The following CAST variants were observed in gnomAD, a reference collection of about 807,000 sequenced individuals.
CAST encodes the protein MIR583 host.
Under a neutral mutation model 119.6 loss-of-function variants are expected in CAST, and 76 were observed. The ratio of observed to expected loss-of-function variants is 0.64; its 90% CI spans 0.53 to 0.77. CAST has a LOEUF of 0.77. Ranked by LOEUF, CAST falls within the 30% of genes least tolerant of loss-of-function variation. The pLI is 0.00. For missense variants in CAST, 953 were observed against 946.5 expected, an observed-to-expected ratio of 1.01 and a Z score of -0.09; for synonymous variants, 319 against 331.6, an observed-to-expected ratio of 0.96 and a Z score of 0.41.
the CAST span, among the ~76,000 whole-genome samples, chr5:96,059,421 T>C: frequency 7.2e-5 from 11 of 152,144 alleles, no homozygotes; most frequent in African/African-American, 2.7e-4. Context: ...TCCCCTGCAA[T>C]AATAGCACGG....
the CAST span, among the ~76,000 whole-genome samples, chr5:96,068,832 T>C: frequency 2.6e-5 from 4 of 151,350 alleles, no homozygotes; most frequent in African/African-American, 9.7e-5. Context: ...CACACACACA[T>C]ATGTATATAT....
chr5:96,352,608 C>G, the CAST span, among the ~76,000 whole-genome samples: 2 of 152,062 alleles, frequency 1.3e-5, no homozygotes, highest in Admixed American at 1.3e-4. Flanking sequence ...ACACAATTAT[C>G]AAAATAAAAT....
the CAST span, among the ~76,000 whole-genome samples, chr5:96,401,410 T>C: frequency 0.7 from 107,076 of 152,130 alleles, 38,962 homozygotes; most frequent in African/African-American, 0.89. Flanking sequence ...GTGAGGAGTA[T>C]TGGGCCAGAG....
At chr5:96,307,467 G>A in the CAST span, among the ~76,000 whole-genome samples, 6 of 152,170 alleles carry the variant, frequency 3.9e-5, no homozygotes, top group African/African-American at 1.2e-4. Context: ...GGTTAATATT[G>A]TTATGTGTGC....
chr5:96,771,735 A>AC (rs1458701723), intron 31 of CAST, 33 bp downstream of exon 31: 1 of 1,365,770 alleles, frequency 7.3e-7, no homozygotes, highest in Admixed American at 1.7e-5. Context: ...AATGAAGACA[A>AC]CTGTATCTTC....
the CAST span, among the ~76,000 whole-genome samples, chr5:96,362,714 T>A: frequency 6.6e-6 from 1 of 152,188 alleles, no homozygotes; most frequent in South Asian, 2.1e-4. Flanking sequence ...TCTTGAGTTC[T>A]TTGTGGATTC....
At chr5:96,275,783 T>C in the CAST span, among the ~76,000 whole-genome samples, 4 of 152,244 alleles carry the variant, frequency 2.6e-5, no homozygotes, top group African/African-American at 7.2e-5. Flanking sequence ...TAAGTTGTTA[T>C]GATGCACATT....
Position 96,757,375 on chromosome 5 carries a change from T to C in CAST, c.1711-69T>C, listed in dbSNP as rs1766536643. ...TATAACCTGTAGACCCTTTGTAATG[T>C]TTACAAGGTTTCATACTTTGGATAA... is the stretch of plus-strand genomic sequence containing the variant. On this transcript the variant is annotated intron_variant, in intron 22 of 31. Coordinates refer to ENST00000675179, the MANE Select transcript of CAST (RefSeq NM_001750.7). 3 of 1,377,472 alleles carry C rather than the reference T, an allele frequency of 2.2e-6. No individual in the cohort carries two copies. In the Admixed American group the frequency reaches 5.0e-5, roughly 23 times the overall value. The allele number at this position is 1,377,472 out of a possible 1,614,324, so 85.3% of individuals were successfully genotyped here. A position where few individuals can be genotyped will look rare whatever the true frequency, so the allele number is the denominator to read the frequency against.
intron 1 of CAST, among the ~76,000 whole-genome samples, chr5:96,549,705 C>G (rs917588860): frequency 2.0e-5 from 3 of 152,256 alleles, no homozygotes; most frequent in Admixed American, 6.5e-5. Flanking sequence ...TGCACTTTTC[C>G]CATGGTCTTC....
the CAST span, among the ~76,000 whole-genome samples, chr5:96,196,612 G>A: frequency 6.6e-6 from 1 of 152,158 alleles, no homozygotes; most frequent in African/African-American, 2.4e-5. Flanking sequence ...GGAAGAAATA[G>A]CCAGTGCAAA....
At chr5:96,606,456 A>G (rs1293021862) in intron 1 of CAST, among the ~76,000 whole-genome samples, 1 of 152,220 alleles carries the variant, frequency 6.6e-6, no homozygotes, top group Non-Finnish European at 1.5e-5. Flanking sequence ...CTGGATGCAG[A>G]AAGAGCCAGC....
intron 1 of CAST, among the ~76,000 whole-genome samples, chr5:96,652,096 A>C (rs549404712): frequency 3.2e-4 from 49 of 152,166 alleles, no homozygotes; most frequent in Non-Finnish European, 6.9e-4. Flanking sequence ...TCCATATGCA[A>C]TTGAATCCAA....
intron 1 of CAST, among the ~76,000 whole-genome samples, chr5:96,533,256 A>T (rs1745723931): frequency 6.6e-6 from 1 of 152,194 alleles, no homozygotes; most frequent in Admixed American, 6.5e-5. Context: ...GTGCTGTAAG[A>T]AAACAAAGAG....
At chr5:96,030,789 T>C in the CAST span, among the ~76,000 whole-genome samples, 1 of 152,174 alleles carries the variant, frequency 6.6e-6, no homozygotes, top group African/African-American at 2.4e-5. Flanking sequence ...CTCATGCCTG[T>C]AATCCTAGCA....
the CAST span, among the ~76,000 whole-genome samples, chr5:96,036,674 G>T: frequency 2.3e-4 from 35 of 152,250 alleles, no homozygotes; most frequent in East Asian, 5.2e-3. Context: ...AGACTTGGTT[G>T]CAGATTAGCA....
In CAST at chr5:96,774,354, C is replaced by CTTTT. The variant is rs146372536; in HGVS notation, c.*1741_*1744dup. ...TTAAAAAGAACTCTGAATATGCCTT[C>CTTTT]TTTTTTAATTAGAAATATCTTCGAG... is the stretch of plus-strand genomic sequence containing the variant. On this transcript the variant is annotated 3_prime_UTR_variant, in exon 32 of 32. Coordinates refer to ENST00000675179, the MANE Select transcript of CAST (RefSeq NM_001750.7). 64 of 280,208 alleles carry CTTTT rather than the reference C, an allele frequency of 2.3e-4. No homozygotes were observed. Among genetic ancestry groups the CTTTT allele is most frequent in the Non-Finnish European group, 3.4e-4 (62 of 183,674 alleles). The allele number at this position is 280,208 out of a possible 1,614,324, so 17.4% of individuals were successfully genotyped here.
At chr5:96,649,429 C>T (rs1216377380) in intron 1 of CAST, among the ~76,000 whole-genome samples, 1 of 152,120 alleles carries the variant, frequency 6.6e-6, no homozygotes. Context: ...ATGAGACAGC[C>T]CTGGGAATGT....
At chr5:96,327,286 G>A in the CAST span, among the ~76,000 whole-genome samples, 3 of 152,108 alleles carry the variant, frequency 2.0e-5, no homozygotes, top group Admixed American at 2.0e-4. Flanking sequence ...AATGGTAATT[G>A]TTATCATTAT....
chr5:96,210,404 C>T, the CAST span, among the ~76,000 whole-genome samples: 10 of 151,922 alleles, frequency 6.6e-5, no homozygotes, highest in East Asian at 1.9e-4. Context: ...TTTATTTTCC[C>T]GTAGATGTGC....
Sources: allele counts gnomAD v4.1 joint callset (sites outside exome capture counted in the v4.1 genomes callset), GRCh38; gene constraint gnomAD v4.1.1; transcripts MANE v1.5; gene names NCBI Gene and HGNC (gene_info 2026-07-23, HGNC 2026-07-21).